Variants in FUT8 observed in about 807,000 individuals in gnomAD.
FUT8 encodes fucosyltransferase 8.
FUT8 carries 29 observed loss-of-function variants against 71.3 expected under a neutral mutation model. That is an observed-to-expected ratio of 0.41 (90% CI 0.30 to 0.55). The LOEUF (loss-of-function observed/expected upper bound fraction) is 0.55. FUT8 is among the 20% of genes least tolerant of loss of function. The probability of loss-of-function intolerance (pLI) is 0.34; values close to 1 mark genes in which losing one functional copy is unlikely to be tolerated. For missense variants in FUT8, 544 were observed against 702.1 expected, an observed-to-expected ratio of 0.77 and a Z score of 2.55; for synonymous variants, 254 against 239.3, an observed-to-expected ratio of 1.06 and a Z score of -0.57.
chr14:65,369,228 C>A, the FUT8 span, among the ~76,000 whole-genome samples: 2 of 152,120 alleles, frequency 1.3e-5, no homozygotes, highest in African/African-American at 2.4e-5. The surrounding 1 kb of genome is among the most constrained non-coding windows in gnomAD (Gnocchi z 4.6). Context: ...AAAGACCAGG[C>A]CCCAAATATG....
Position 65,742,405 on chromosome 14 carries a change from A to G in FUT8, c.1723A>G (p.Lys575Glu). ...VKYPTYPEAE[K>E] ...GTACCCCACATATCCTGAGGCTGAG[A>G]AATAAAGCTCAGATGGAAGAGATAA... Residue 575 changes from lysine to glutamate, a missense_variant, in exon 11 of 11, where the codon AAA (lysine) becomes GAA (glutamate). Transcript: ENST00000673929. The G allele has an allele frequency of 6.2e-7, 1 of 1,610,072 alleles. No individual in the cohort carries two copies. The highest frequency in any genetic ancestry group is 8.5e-7 in the Non-Finnish European group (1 of 1,177,438).
At chr14:65,680,895 T>C (rs544603136) in intron 7 of FUT8, among the ~76,000 whole-genome samples, 2 of 152,316 alleles carry the variant, frequency 1.3e-5, no homozygotes, top group Non-Finnish European at 2.9e-5. Flanking sequence ...CAGCCTGCTT[T>C]TCAAAATGTG....
intron 3 of FUT8, among the ~76,000 whole-genome samples, chr14:65,587,444 T>C (rs1887452631): frequency 6.6e-6 from 1 of 152,164 alleles, no homozygotes; most frequent in Non-Finnish European, 1.5e-5. Context: ...AGTGATAATA[T>C]TTAGGAATTA....
chr14:65,606,217 C>T (rs780348852), intron 3 of FUT8, among the ~76,000 whole-genome samples: 10 of 151,048 alleles, frequency 6.6e-5, no homozygotes, highest in African/African-American at 1.5e-4. Flanking sequence ...GGACTACAGG[C>T]GCCTGCCACC....
rs1389209778 is a variant in FUT8 at position 65,467,016 on chromosome 14, T to C, written c.-228+11298T>C. 6.6e-6 allele frequency among the ~76,000 whole-genome samples: 1 copy of C among 152,216 alleles called. No homozygotes were observed. Among genetic ancestry groups the C allele is most frequent in the African/African-American group, 2.4e-5 (1 of 41,462 alleles). ...AACAAGTTGTTATCTGTTAGATGAATTAAGGATCAGAAAAACAAAAGATTT... is the reference window on the plus strand; with the variant it reads ...AACAAGTTGTTATCTGTTAGATGAACTAAGGATCAGAAAAACAAAAGATTT... On this transcript the variant is annotated intron_variant, in intron 2 of 10. Coordinates refer to ENST00000673929, the MANE Select transcript of FUT8 (RefSeq NM_001371533.1). This position sits in a 1 kb window ranked among gnomAD's most constrained non-coding sequence, Gnocchi z 4.1.
rs1434813459 is a variant in FUT8, at chr14:65,463,166, TTAAA to T, written c.-228+7451_-228+7454del. 2.6e-5 allele frequency among the ~76,000 whole-genome samples: 4 copies of T among 152,270 alleles called. No homozygotes were observed. In the East Asian group the frequency reaches 5.8e-4, roughly 22 times the overall value. ...TGTTAAAACAGACAGAATATAGAAA[TTAAA>T]TAGACATAATTACAATAATAAAAAG... On this transcript the variant is annotated intron_variant, in intron 2 of 10. Transcript: ENST00000673929.
chr14:65,741,841 T>C (rs1175586790), intron 10 of FUT8, among the ~76,000 whole-genome samples: 1 of 151,996 alleles, frequency 6.6e-6, no homozygotes, highest in Non-Finnish European at 1.5e-5. Flanking sequence ...TTGTACTATA[T>C]AGAGATAGAG....
chr14:65,495,519 T>A (rs1195317291), intron 2 of FUT8, among the ~76,000 whole-genome samples: 1 of 152,166 alleles, frequency 6.6e-6, no homozygotes, highest in East Asian at 1.9e-4. Context: ...TATATTGCTC[T>A]TTATCTGTGT....
intron 3 of FUT8, among the ~76,000 whole-genome samples, chr14:65,593,468 T>C (rs1887797302): frequency 6.6e-6 from 1 of 152,242 alleles, no homozygotes; most frequent in Admixed American, 6.5e-5. Context: ...AGATACAGAT[T>C]AATATTGTCT....
In FUT8 at chr14:65,616,391, C is replaced by T. The variant is rs990432949; in HGVS notation, c.482+18C>T. ...CATGAAAGGTACTATTCTCCTTTCACATTTTATTTGGGCTTTAGAAAAGAT... is the reference window on the plus strand; with the variant it reads ...CATGAAAGGTACTATTCTCCTTTCATATTTTATTTGGGCTTTAGAAAAGAT... On this transcript the variant is annotated intron_variant, in intron 5 of 10. Coordinates refer to ENST00000673929, the MANE Select transcript of FUT8 (RefSeq NM_001371533.1). The T allele has an allele frequency of 1.3e-6, 2 of 1,531,576 alleles. No individual in the cohort carries two copies. Among genetic ancestry groups the T allele is most frequent in the Admixed American group, 2.1e-5 (1 of 47,680 alleles). The allele number at this position is 1,531,576 out of a possible 1,614,324, so 94.9% of individuals were successfully genotyped here.
intron 3 of FUT8, among the ~76,000 whole-genome samples, chr14:65,608,610 T>G (rs1171909848): frequency 6.6e-6 from 1 of 152,004 alleles, no homozygotes; most frequent in East Asian, 1.9e-4. Flanking sequence ...TTTCATCAAG[T>G]TTTTATTTGG....
chr14:65,594,940 G>T (rs573581113), intron 3 of FUT8, among the ~76,000 whole-genome samples: 4 of 152,234 alleles, frequency 2.6e-5, no homozygotes, highest in African/African-American at 9.6e-5. Context: ...TTGGTAAAAA[G>T]ATATTATTGA....
chr14:65,697,174 A>G (rs1168927544), intron 7 of FUT8, among the ~76,000 whole-genome samples: 5 of 152,108 alleles, frequency 3.3e-5, no homozygotes, highest in Admixed American at 3.3e-4. Flanking sequence ...TGTTAGTATG[A>G]GGTTTTGTGT....
chr14:65,736,293 A>G (rs545349636), intron 10 of FUT8, among the ~76,000 whole-genome samples: 8 of 151,874 alleles, frequency 5.3e-5, no homozygotes, highest in Non-Finnish European at 8.8e-5. Context: ...AGTTATAGGA[A>G]TATCTCTGCC....
chr14:65,505,073 A>C (rs541632496), intron 2 of FUT8, among the ~76,000 whole-genome samples: 3 of 152,102 alleles, frequency 2.0e-5, no homozygotes, highest in South Asian at 4.1e-4. Context: ...GTTATATGAC[A>C]TTTTTTTGGG....
intron 2 of FUT8, among the ~76,000 whole-genome samples, chr14:65,474,441 G>GGAAAAAAAAAAAAA (rs2066199474): frequency 2.5e-5 from 1 of 39,698 alleles, no homozygotes; most frequent in Admixed American, 3.0e-4. Context: ...TGTCTCTACT[G>GGAAAAAAAAAAAAA]AAAAAAAAAA....
chr14:65,633,355 A>G (rs973442147), intron 6 of FUT8, among the ~76,000 whole-genome samples: 1 of 152,026 alleles, frequency 6.6e-6, no homozygotes, highest in Non-Finnish European at 1.5e-5. Context: ...CAGTGGCGTG[A>G]TCTCGGCTCG....
chr14:65,670,258 C>G (rs375968279), intron 7 of FUT8, among the ~76,000 whole-genome samples: 10 of 152,058 alleles, frequency 6.6e-5, no homozygotes, highest in African/African-American at 2.4e-4. Context: ...GTTGGGCTAC[C>G]TTGTTAAAAT....
intron 3 of FUT8, among the ~76,000 whole-genome samples, chr14:65,563,856 A>G (rs1886047943): frequency 6.6e-6 from 1 of 152,060 alleles, no homozygotes; most frequent in South Asian, 2.1e-4. Flanking sequence ...ATATTCTTAT[A>G]TGTTGAAATT....
Sources: gnomAD v4.1 joint callset for allele counts (sites outside exome capture counted in the v4.1 genomes callset) on GRCh38, gnomAD v4.1.1 for gene constraint, Gnocchi (gnomAD v3.1) non-coding constraint, MANE v1.5 for transcripts, NCBI Gene and HGNC (gene_info 2026-07-23, HGNC 2026-07-21) for gene names.